SLF2: variants seen among roughly 807,000 people sequenced by gnomAD.
The protein encoded by SLF2 is SMC5-SMC6 complex localization factor protein 2.
A neutral mutation model predicts 124.3 loss-of-function variants in SLF2; 68 were observed. That is an observed-to-expected ratio of 0.55 (90% CI 0.45 to 0.67). The LOEUF (loss-of-function observed/expected upper bound fraction) is 0.67. Ranked by LOEUF, SLF2 falls within the 30% of genes least tolerant of loss-of-function variation. The pLI is 0.00. For missense variants in SLF2, 1,246 were observed against 1,373.7 expected (o/e 0.91, Z 1.47); for synonymous variants, 480 against 478.8 (o/e 1.00, Z -0.03).
intron 11 of SLF2, among the ~76,000 whole-genome samples, chr10:100,942,597 CA>C (rs1377662513): frequency 6.6e-6 from 1 of 152,128 alleles, no homozygotes; most frequent in Non-Finnish European, 1.5e-5. Flanking sequence ...CAGCTCACTG[CA>C]ACCTCCACCT....
chr10:100,916,801 C>G lies in SLF2; in HGVS notation c.416C>G (p.Ala139Gly). ...TCACGTCGGCCTTGTCTGTCACTAG[C>G]CTCCAAATATTTAGCCAAAGGAACA... ...HESRRPCLSL[A>G]SKYLAKGTNI... Residue 139 changes from alanine to glycine, a missense_variant, in exon 3 of 20, where the codon GCC becomes GGC. By Grantham distance (60) the Ala-to-Gly change is moderately conservative (BLOSUM62 0). Coordinates refer to ENST00000238961, the MANE Select transcript of SLF2 (RefSeq NM_018121.4). The G allele has an allele frequency of 6.2e-7, 1 of 1,613,876 alleles. No individual in the cohort carries two copies. Among genetic ancestry groups the G allele is most frequent in the Non-Finnish European group, 8.5e-7 (1 of 1,179,968 alleles).
intron 5 of SLF2, among the ~76,000 whole-genome samples, chr10:100,925,284 A>C (rs61871478): frequency 0.077 from 11,737 of 152,280 alleles, 610 homozygotes; most frequent in Non-Finnish European, 0.11. Context: ...AAGCATATGC[A>C]AAAACAGAAT....
intron 11 of SLF2, among the ~76,000 whole-genome samples, chr10:100,942,896 T>C (rs1850009346): frequency 6.6e-6 from 1 of 152,214 alleles, no homozygotes. Context: ...ATCAAAGTGC[T>C]GGGATTCAGG....
chr10:100,937,524 C>T (rs1234381034), intron 10 of SLF2, 47 bp downstream of exon 10: 1 of 1,079,422 alleles, frequency 9.3e-7, no homozygotes, highest in Admixed American at 1.7e-5. Flanking sequence ...TTATTGGTTG[C>T]TATTTACATG....
intron 6 of SLF2, among the ~76,000 whole-genome samples, chr10:100,927,104 T>C (rs1390951243): frequency 2.0e-5 from 3 of 152,158 alleles, no homozygotes; most frequent in East Asian, 1.9e-4. Context: ...AAAATACATA[T>C]AAAATTTACC....
chr10:100,919,163 C>T (rs1468444894), intron 4 of SLF2, among the ~76,000 whole-genome samples: 29 of 151,914 alleles, frequency 1.9e-4, no homozygotes, highest in Admixed American at 1.6e-3. Context: ...AGGCGCCCAC[C>T]ACCATGCCCG....
At chr10:100,950,470 G>A (rs954529420) in intron 16 of SLF2, among the ~76,000 whole-genome samples, 2 of 152,176 alleles carry the variant, frequency 1.3e-5, no homozygotes, top group Admixed American at 6.5e-5. Context: ...TAGGGCAGTC[G>A]TGAGGTCATG....
intron 10 of SLF2, among the ~76,000 whole-genome samples, chr10:100,938,074 C>G (rs886461618): frequency 2.0e-5 from 3 of 152,142 alleles, no homozygotes; most frequent in African/African-American, 7.2e-5. Flanking sequence ...TGGTTCCAAA[C>G]TTACTTAGCC....
chr10:100,924,829 T>A lies in SLF2; in HGVS notation c.1828T>A (p.Tyr610Asn), dbSNP rs1849584620. 6.2e-7 allele frequency: 1 copy of A among 1,614,038 alleles called. No individual in the cohort carries two copies. Among genetic ancestry groups the A allele is most frequent in the Admixed American group, 1.7e-5 (1 of 59,998 alleles). Reference sequence around the variant, plus strand: ...TGATAGTGATGAAGAAAGTTTAGGTTACAACCTAGACAGTGATGAGGAAGA... The same window carrying A: ...TGATAGTGATGAAGAAAGTTTAGGTAACAACCTAGACAGTGATGAGGAAGA... The part of the protein sequence containing the change: ...DFDSDEESLG[Y>N]NLDSDEEEET... Residue 610 changes from tyrosine to asparagine, a missense_variant, in exon 5 of 20, where the codon TAC (tyrosine) becomes AAC (asparagine). By Grantham distance (143) the Tyr-to-Asn change is moderately radical. This residue lies in a region of SLF2 where 13 missense variants were observed against 32.0 expected (regional missense o/e 0.41). Transcript: ENST00000238961.
At position 100,938,642 on chromosome 10, in the gene SLF2, G is replaced by A; in HGVS notation, c.2560G>A (p.Asp854Asn). The A allele has an allele frequency of 6.2e-7, 1 of 1,613,296 alleles. No homozygotes were observed. Among genetic ancestry groups the A allele is most frequent in the South Asian group, 1.1e-5 (1 of 90,952 alleles). ...TTGGCCATGGATCCCATCATTGTCT[G>A]ATGTAGCAGCTGTGTTTTTCAATAT... is the stretch of plus-strand genomic sequence containing the variant. ...PVWPWIPSLS[D>N]VAAVFFNMGI... The change falls in exon 11 of 20, where the codon GAT becomes AAT. Residue 854 changes from aspartate (D) to asparagine (N), a missense_variant. By Grantham distance (23) the Asp-to-Asn change is conservative. This residue lies in a region of SLF2 where 535 missense variants were observed against 632.8 expected (regional missense o/e 0.85). Coordinates refer to ENST00000238961, the MANE Select transcript of SLF2 (RefSeq NM_018121.4).
intron 6 of SLF2, 106 bp from the exon 7 acceptor site, chr10:100,929,211 A>C (rs1402481347): frequency 9.4e-7 from 1 of 1,058,354 alleles, no homozygotes; most frequent in Non-Finnish European, 1.3e-6. Context: ...GTTATATACC[A>C]GGGTACTTAA....
At position 100,913,099 on chromosome 10, in the gene SLF2, A is replaced by C. The variant is rs1193580540; in HGVS notation, c.-12A>C. 2 of 1,610,202 alleles carry C rather than the reference A, an allele frequency of 1.2e-6. No individual in the cohort carries two copies. Among genetic ancestry groups the C allele is most frequent in the East Asian group, 4.5e-5 (2 of 44,504 alleles). The stretch of plus-strand genomic sequence containing the variant: ...AGCCACGGCTCATGCCGCCGTCGCC[A>C]GCGGCGCCGACATGACAAGGCGCTG... On this transcript the variant is annotated 5_prime_UTR_variant, in exon 1 of 20. Transcript: ENST00000238961.
intron 9 of SLF2, among the ~76,000 whole-genome samples, chr10:100,931,807 C>T (rs1849740903): frequency 6.6e-6 from 1 of 151,996 alleles, no homozygotes; most frequent in Admixed American, 6.6e-5. Context: ...GCCTAGCCAA[C>T]ATGGTGAAAC....
rs377642380 is a variant in SLF2, at chr10:100,913,127, T to A, written c.17T>A (p.Met6Lys). MTRRC[M>K]PARPGFPSSP... The stretch of plus-strand genomic sequence containing the variant: ...GGCGCCGACATGACAAGGCGCTGCA[T>A]GCCCGCTAGGCCAGGTTTCCCCTCA... The change falls in exon 1 of 20, where the codon ATG becomes AAG. Residue 6 changes from methionine (M) to lysine (K), a missense_variant. Met to Lys is a moderately conservative substitution (Grantham distance 95). Coordinates refer to ENST00000238961, the MANE Select transcript of SLF2 (RefSeq NM_018121.4). 1.9e-6 allele frequency: 3 copies of A among 1,612,784 alleles called. No individual in the cohort carries two copies. Among genetic ancestry groups the A allele is most frequent in the Non-Finnish European group, 2.5e-6 (3 of 1,179,634 alleles).
At chr10:100,960,834 C>T (rs1850413215) in intron 19 of SLF2, among the ~76,000 whole-genome samples, 1 of 150,964 alleles carries the variant, frequency 6.6e-6, no homozygotes, top group South Asian at 2.1e-4. Flanking sequence ...TTTTTAACAC[C>T]TGCTAGTAAG....
intron 17 of SLF2, among the ~76,000 whole-genome samples, chr10:100,955,674 G>A (rs1850316378): frequency 6.6e-6 from 1 of 152,178 alleles, no homozygotes; most frequent in African/African-American, 2.4e-5. Flanking sequence ...TTGGGAGGCT[G>A]AGGCAGGTGG....
chr10:100,945,390 C>T lies in SLF2; in HGVS notation c.2818C>T (p.Leu940=), dbSNP rs770953696. Residue 940 remains leucine, a synonymous_variant, in exon 13 of 20, where the codon CTG becomes TTG. Transcript: ENST00000238961. ...EGYQDREIML[L]ILMLFKMSLE... The stretch of plus-strand genomic sequence containing the variant: ...TTACCAGGATCGTGAAATAATGTTG[C>T]TGATTTTAATGTTATTTAAAATGAG... 2 of 1,602,760 alleles carry T rather than the reference C, an allele frequency of 1.2e-6. No individual in the cohort carries two copies. Among genetic ancestry groups the T allele is most frequent in the East Asian group, 4.5e-5 (2 of 44,248 alleles).
chr10:100,932,745 G>T (rs754237856), intron 9 of SLF2, among the ~76,000 whole-genome samples: 4 of 151,620 alleles, frequency 2.6e-5, no homozygotes, highest in Non-Finnish European at 4.4e-5. Context: ...GCGCACATTT[G>T]TAAATGTATT....
intron 7 of SLF2, 54 bp downstream of exon 7, chr10:100,929,493 GT>G: frequency 1.4e-6 from 2 of 1,476,514 alleles, no homozygotes; most frequent in Non-Finnish European, 9.1e-7. Context: ...ACATTTTTTA[GT>G]TTTGTTTTTG....
Sources: gnomAD v4.1 joint callset for allele counts (sites outside exome capture counted in the v4.1 genomes callset) on GRCh38, gnomAD v4.1.1 for gene constraint, gnomAD v4.1.1 regional missense constraint, MANE v1.5 for transcripts, NCBI Gene and HGNC (gene_info 2026-07-23, HGNC 2026-07-21) for gene names.